Variants in PAX7 observed in about 807,000 individuals in gnomAD.
PAX7 encodes paired box protein Pax-7.
In PAX7, 18 loss-of-function variants were observed where a neutral mutation model predicts 50.7. The ratio of observed to expected loss-of-function variants is 0.36; its 90% CI spans 0.25 to 0.53. PAX7 has a LOEUF of 0.53. Ranked by LOEUF, PAX7 falls within the 20% of genes least tolerant of loss-of-function variation. PAX7 has a pLI of 0.93. For missense variants in PAX7, 644 were observed against 702.9 expected (o/e 0.92, Z 0.95); for synonymous variants, 310 against 290.4 (o/e 1.07, Z -0.69).
Position 18,745,731 on chromosome 1 carries a change from C to T in PAX7, c.*802C>T, listed in dbSNP as rs1197423707. Reference sequence around the variant, plus strand: ...AAGCAGAGGGCTCTTATCCTGAAGCCCAAGTTCCCAGCATGTCCACTCCAT... The same window carrying T: ...AAGCAGAGGGCTCTTATCCTGAAGCTCAAGTTCCCAGCATGTCCACTCCAT... On this transcript the variant is annotated 3_prime_UTR_variant, in exon 9 of 9. Transcript: ENST00000420770. 4.3e-6 allele frequency: 1 copy of T among 231,514 alleles called. No individual in the cohort carries two copies. Among genetic ancestry groups the T allele is most frequent in the Admixed American group, 5.6e-5 (1 of 17,742 alleles). 14.3% of individuals were successfully genotyped at this position (231,514 alleles called of 1,614,324 possible). A position where few individuals can be genotyped will look rare whatever the true frequency, so the allele number is the denominator to read the frequency against.
At chr1:18,714,758 G>A (rs539537461) in intron 7 of PAX7, among the ~76,000 whole-genome samples, 10 of 152,328 alleles carry the variant, frequency 6.6e-5, no homozygotes, top group Middle Eastern at 3.4e-3. Flanking sequence ...GGGCTGGCCC[G>A]CCTCTCAGTT....
intron 4 of PAX7, among the ~76,000 whole-genome samples, chr1:18,637,886 G>A (rs1382184505): frequency 6.6e-6 from 1 of 152,260 alleles, no homozygotes; most frequent in Admixed American, 6.5e-5. Context: ...CCGGCCTGCC[G>A]AGGGGCCACG....
At position 18,631,632 on chromosome 1, in the gene PAX7, G is replaced by C; in HGVS notation, c.29G>C (p.Arg10Thr). MAALPGTVP[R>T]MMRPAPGQNY... is the part of the protein sequence containing the mutation. ...GCGGCCCTTCCCGGCACGGTACCGA[G>C]AATGATGCGGCCGGCTCCGGGGCAG... The change falls in exon 1 of 9, where the codon AGA becomes ACA. Residue 10 changes from arginine (R) to threonine (T), a missense_variant. Physicochemically the swap from Arg to Thr is moderately conservative, Grantham distance 71 (BLOSUM62 -1). Transcript: ENST00000420770. 6.2e-7 allele frequency: 1 copy of C among 1,613,210 alleles called. No individual in the cohort carries two copies. Among genetic ancestry groups the C allele is most frequent in the South Asian group, 1.1e-5 (1 of 90,748 alleles).
Position 18,746,319 on chromosome 1 carries a change from A to G in PAX7, c.*1390A>G. ...AGCTACCAGCCCTGGGCAGAGGAAG[A>G]TGTCAACAATTCCAGAGCAGAGGGA... On this transcript the variant is annotated 3_prime_UTR_variant, in exon 9 of 9. Coordinates refer to ENST00000420770, the MANE Select transcript of PAX7 (RefSeq NM_001135254.2). 4.3e-6 allele frequency: 1 copy of G among 230,304 alleles called. No individual in the cohort carries two copies. The highest frequency in any genetic ancestry group is 8.6e-6 in the Non-Finnish European group (1 of 116,192). The allele number at this position is 230,304 out of a possible 1,614,324, so 14.3% of individuals were successfully genotyped here.
intron 1 of PAX7, among the ~76,000 whole-genome samples, 188 bp downstream of exon 1, chr1:18,631,876 G>A (rs1034079794): frequency 6.6e-6 from 1 of 152,202 alleles, no homozygotes; most frequent in Non-Finnish European, 1.5e-5. Flanking sequence ...GCTTCTGCGT[G>A]GGTTTCACTG....
rs2088047377 is a variant in PAX7 at position 18,631,596 on chromosome 1, G to T, written c.-8G>T. On this transcript the variant is annotated 5_prime_UTR_variant, in exon 1 of 9. Coordinates refer to ENST00000420770, the MANE Select transcript of PAX7 (RefSeq NM_001135254.2). Reference sequence around the variant, plus strand: ...CCGACTTTGGATTCGTCCCCGGCGTGCGCAAGAATGGCGGCCCTTCCCGGC... The same window carrying T: ...CCGACTTTGGATTCGTCCCCGGCGTTCGCAAGAATGGCGGCCCTTCCCGGC... The T allele has an allele frequency of 6.2e-7, 1 of 1,611,262 alleles. No individual in the cohort carries two copies. The highest frequency in any genetic ancestry group is 8.5e-7 in the Non-Finnish European group (1 of 1,179,130).
At chr1:18,647,332 G>A (rs543798276) in intron 4 of PAX7, among the ~76,000 whole-genome samples, 1 of 152,298 alleles carries the variant, frequency 6.6e-6, no homozygotes, top group African/African-American at 2.4e-5. Flanking sequence ...TACATGGCTT[G>A]GGCACGCGGC....
chr1:18,635,082 C>A (rs2100419261), intron 2 of PAX7, 29 bp from the exon 3 acceptor site: 1 of 1,611,922 alleles, frequency 6.2e-7, no homozygotes, highest in East Asian at 2.2e-5. Flanking sequence ...CATCTTTCCA[C>A]TCCTACTCTC....
At chr1:18,645,017 G>A (rs985429724) in intron 4 of PAX7, among the ~76,000 whole-genome samples, 1 of 152,234 alleles carries the variant, frequency 6.6e-6, no homozygotes, top group Non-Finnish European at 1.5e-5. Flanking sequence ...AAACAAGCCC[G>A]CAAATAAACA....
rs71018097 is a variant in PAX7 at position 18,698,272 on chromosome 1, T to TACACACACAC, written c.787-2360_787-2351dup. Among the ~76,000 whole-genome samples the TACACACACAC allele has an allele frequency of 5.5e-3, 810 of 147,422 alleles. 6 individuals are homozygous for TACACACACAC. The highest frequency in any genetic ancestry group is 8.7e-3 in the African/African-American group (349 of 39,956). On this transcript the variant is annotated intron_variant, in intron 5 of 8. Transcript: ENST00000420770. ...CATAAAGGGAAGGCAATTGTTAAAA[T>TACACACACAC]ACACACACACACACACACACACACA...
chr1:18,689,556 C>T (rs2089037172), intron 4 of PAX7, among the ~76,000 whole-genome samples: 1 of 152,162 alleles, frequency 6.6e-6, no homozygotes, highest in African/African-American at 2.4e-5. Context: ...GGCATGGCGT[C>T]ACCATCAGAG....
chr1:18,674,768 C>A (rs747161239), intron 4 of PAX7, among the ~76,000 whole-genome samples: 3 of 152,208 alleles, frequency 2.0e-5, no homozygotes, highest in Non-Finnish European at 4.4e-5. Flanking sequence ...TTTCACAGAG[C>A]AGCGTGGTCC....
At chr1:18,664,026 G>A (rs893247348) in intron 4 of PAX7, among the ~76,000 whole-genome samples, 3 of 152,202 alleles carry the variant, frequency 2.0e-5, no homozygotes, top group Admixed American at 6.5e-5. Flanking sequence ...GGATTCCAGG[G>A]CTGCAATTCA....
intron 4 of PAX7, among the ~76,000 whole-genome samples, chr1:18,669,400 G>C (rs1213380324): frequency 2.0e-5 from 3 of 152,178 alleles, no homozygotes; most frequent in Non-Finnish European, 4.4e-5. Flanking sequence ...ACCCTCAGGA[G>C]ATCTGCTGTT....
At chr1:18,653,776 C>T (rs748067518) in intron 4 of PAX7, among the ~76,000 whole-genome samples, 28 of 151,942 alleles carry the variant, frequency 1.8e-4, no homozygotes, top group African/African-American at 6.3e-4. Context: ...AGCTGAGAAG[C>T]GGCTGAGCCT....
chr1:18,655,861 T>C (rs1255132407), intron 4 of PAX7, among the ~76,000 whole-genome samples: 1 of 151,450 alleles, frequency 6.6e-6, no homozygotes, highest in Non-Finnish European at 1.5e-5. Flanking sequence ...ACCCATCTCC[T>C]AGGCTTTGCA....
chr1:18,660,034 G>A (rs1038513338), intron 4 of PAX7, among the ~76,000 whole-genome samples: 5 of 152,210 alleles, frequency 3.3e-5, no homozygotes, highest in Non-Finnish European at 7.3e-5. Flanking sequence ...GATGTAGGAG[G>A]TCGGAATTCG....
Position 18,745,056 on chromosome 1 carries a change from C to A in PAX7, c.*127C>A, listed in dbSNP as rs1004886945. 2 of 625,938 alleles carry A rather than the reference C, an allele frequency of 3.2e-6. No individual in the cohort carries two copies. The highest frequency in any genetic ancestry group is 3.7e-5 in the African/African-American group (2 of 54,160). The allele number at this position is 625,938 out of a possible 1,614,324, so 38.8% of individuals were successfully genotyped here. A position where few individuals can be genotyped will look rare whatever the true frequency, so the allele number is the denominator to read the frequency against. ...CCAGGAAAGGAGCCCACCTGCTTCT[C>A]ATCACCAGCCCCCTGGAGGTAGACA... On this transcript the variant is annotated 3_prime_UTR_variant, in exon 9 of 9. Coordinates refer to ENST00000420770, the MANE Select transcript of PAX7 (RefSeq NM_001135254.2).
intron 5 of PAX7, among the ~76,000 whole-genome samples, chr1:18,697,424 T>C (rs74316822): frequency 0.012 from 1,784 of 152,310 alleles, 14 homozygotes; most frequent in Non-Finnish European, 0.018. Flanking sequence ...AGCAGAATGA[T>C]ACTTACCTGT....
Sources: gnomAD v4.1 joint callset for allele counts (sites outside exome capture counted in the v4.1 genomes callset) on GRCh38, gnomAD v4.1.1 for gene constraint, MANE v1.5 for transcripts, NCBI Gene and HGNC (gene_info 2026-07-23, HGNC 2026-07-21) for gene names.